DAB1: variants seen among roughly 807,000 people sequenced by gnomAD.
DAB1 encodes DAB adaptor protein 1.
DAB1 carries 15 observed loss-of-function variants against 64.6 expected under a neutral mutation model. That is an observed-to-expected ratio of 0.23 (90% CI 0.16 to 0.36). The LOEUF (loss-of-function observed/expected upper bound fraction) is 0.36. Ranked by LOEUF, DAB1 falls within the 10% of genes least tolerant of loss-of-function variation. The pLI is 1.00. For synonymous variants in DAB1, 235 were observed against 251.9 expected (o/e 0.93, Z 0.64); for missense variants, 596 against 706.7 (o/e 0.84, Z 1.78).
At chr1:57,497,482 A>G (rs1644244011) in intron 7 of DAB1, among the ~76,000 whole-genome samples, 1 of 152,206 alleles carries the variant, frequency 6.6e-6, no homozygotes, top group Non-Finnish European at 1.5e-5. Context: ...CTCTGCCCTC[A>G]TGGAGTTTCT....
chr1:57,353,686 C>T (rs950566228), intron 1 of DAB1, among the ~76,000 whole-genome samples: 1 of 152,092 alleles, frequency 6.6e-6, no homozygotes, highest in Admixed American at 6.6e-5. Flanking sequence ...GAGTTATTCA[C>T]GCTTAGGTCT....
intron 1 of DAB1, among the ~76,000 whole-genome samples, chr1:57,347,892 G>T (rs1157604110): frequency 1.3e-5 from 2 of 152,116 alleles, no homozygotes; most frequent in African/African-American, 2.4e-5. Context: ...AGATGAGGGG[G>T]TTACTACACT....
intron 5 of DAB1, among the ~76,000 whole-genome samples, chr1:58,135,250 T>C (rs969442270): frequency 3.3e-5 from 5 of 152,172 alleles, no homozygotes; most frequent in Non-Finnish European, 7.3e-5. Context: ...AACCACCGTT[T>C]ATCAAGGTGC....
At chr1:58,544,904 A>AT (rs1646676796) in intron 1 of DAB1, among the ~76,000 whole-genome samples, 1 of 152,038 alleles carries the variant, frequency 6.6e-6, no homozygotes, top group Non-Finnish European at 1.5e-5. Context: ...AGCCCAGCTA[A>AT]TTTTTTAATT....
rs969942388 is a variant in DAB1, at chr1:58,371,007, C to T, written n.258-27604G>A. On this transcript the variant is annotated intron_variant and non_coding_transcript_variant, in intron 3 of 20. Transcript: ENST00000485760. Reference sequence around the variant, plus strand: ...TGGATACCAAGGTAGTGGGTCATTGCTATAACATACCTGAGAAAGTGGAAG... The same window carrying T: ...TGGATACCAAGGTAGTGGGTCATTGTTATAACATACCTGAGAAAGTGGAAG... Among the ~76,000 whole-genome samples, 8 of 152,258 alleles carry T rather than the reference C, an allele frequency of 5.3e-5. No individual in the cohort carries two copies. The East Asian group carries it at 1.5e-3, about 29-fold the overall frequency.
At position 57,028,043 on chromosome 1, in the gene DAB1, G is replaced by A. The variant is rs962844961; in HGVS notation, c.724-2000C>T. On this transcript the variant is annotated intron_variant, in intron 9 of 14. Transcript: ENST00000371236. ...AGGTAATGCAGCAGAAATAGCAACAGGGGTCTCTACAAGATGCTGTGGGAG... is the reference window on the plus strand; with the variant it reads ...AGGTAATGCAGCAGAAATAGCAACAAGGGTCTCTACAAGATGCTGTGGGAG... Among the ~76,000 whole-genome samples, 100 of 152,246 alleles carry A rather than the reference G, an allele frequency of 6.6e-4. No individual in the cohort carries two copies. The Middle Eastern group carries it at 0.01, about 16-fold the overall frequency.
At chr1:58,003,796 CAAACAGA>C (rs1425875622) in intron 5 of DAB1, among the ~76,000 whole-genome samples, 17 of 152,182 alleles carry the variant, frequency 1.1e-4, no homozygotes, top group Admixed American at 9.2e-4. Context: ...TTGAAGTTTA[CAAACAGA>C]AAACAGAAAC....
intron 1 of DAB1, among the ~76,000 whole-genome samples, chr1:57,410,711 A>C (rs563830531): frequency 6.6e-6 from 1 of 152,346 alleles, no homozygotes; most frequent in South Asian, 2.1e-4. Flanking sequence ...ATACAGAATG[A>C]TATCTAGCCT....
intron 4 of DAB1, among the ~76,000 whole-genome samples, chr1:58,218,752 C>CTGCATGT (rs1658986939): frequency 1.3e-5 from 2 of 152,276 alleles, no homozygotes; most frequent in South Asian, 4.2e-4. Context: ...ACCACAACCT[C>CTGCATGT]TGCATGTTTT....
chr1:58,471,454 C>T (rs1366057971), intron 3 of DAB1, among the ~76,000 whole-genome samples: 1 of 152,146 alleles, frequency 6.6e-6, no homozygotes, highest in African/African-American at 2.4e-5. Flanking sequence ...TTGACTTAGA[C>T]ATTCATGATG....
chr1:57,908,963 A>G (rs1362673550), intron 5 of DAB1, among the ~76,000 whole-genome samples: 8 of 144,264 alleles, frequency 5.5e-5, no homozygotes, highest in Admixed American at 7.2e-5. Flanking sequence ...AACCAGGTCT[A>G]TTTTCCTTTA....
At chr1:58,528,377 A>G (rs1451414715) in intron 1 of DAB1, among the ~76,000 whole-genome samples, 2 of 152,226 alleles carry the variant, frequency 1.3e-5, no homozygotes, top group Non-Finnish European at 2.9e-5. Context: ...AACAGTTCCA[A>G]GCTCACAGAG....
At chr1:58,528,897 A>G (rs1162127876) in intron 1 of DAB1, among the ~76,000 whole-genome samples, 2 of 152,218 alleles carry the variant, frequency 1.3e-5, no homozygotes, top group East Asian at 3.8e-4. Flanking sequence ...CTTTATTTTC[A>G]TTGACGAATT....
intron 1 of DAB1, among the ~76,000 whole-genome samples, chr1:57,365,349 A>G (rs1679907833): frequency 7.0e-6 from 1 of 143,422 alleles, no homozygotes; most frequent in African/African-American, 2.5e-5. Context: ...ATATAAATAT[A>G]TATTTATATA....
At chr1:57,739,825 T>C (rs1647893133) in intron 6 of DAB1, among the ~76,000 whole-genome samples, 1 of 151,820 alleles carries the variant, frequency 6.6e-6, no homozygotes, top group Admixed American at 6.6e-5. Flanking sequence ...AGAATTTTCA[T>C]CAGTAAAATC....
chr1:57,853,594 G>A (rs565590661), intron 1 of DAB1, among the ~76,000 whole-genome samples: 2 of 152,030 alleles, frequency 1.3e-5, no homozygotes, highest in Non-Finnish European at 2.9e-5. Context: ...TAAAATGAAC[G>A]AATAAATGAA....
At chr1:57,904,077 C>A (rs1644514724) in intron 5 of DAB1, among the ~76,000 whole-genome samples, 1 of 152,120 alleles carries the variant, frequency 6.6e-6, no homozygotes, top group African/African-American at 2.4e-5. Context: ...AATGTAAAAC[C>A]CCACTGTTTC....
At chr1:57,477,771 G>A (rs756620549) in intron 7 of DAB1, among the ~76,000 whole-genome samples, 2 of 152,164 alleles carry the variant, frequency 1.3e-5, no homozygotes, top group Admixed American at 1.3e-4. Context: ...GCAGAACCCA[G>A]TCCTGAAAGG....
intron 2 of DAB1, among the ~76,000 whole-genome samples, chr1:57,207,455 T>C (rs182686050): frequency 8.6e-6 from 1 of 116,328 alleles, no homozygotes; most frequent in East Asian, 2.3e-4. Flanking sequence ...TCTTTTTTTT[T>C]TTTTTTGAGA....
Sources: gnomAD v4.1 joint callset for allele counts (sites outside exome capture counted in the v4.1 genomes callset) on GRCh38, gnomAD v4.1.1 for gene constraint, MANE v1.5 for transcripts, NCBI Gene and HGNC (gene_info 2026-07-23, HGNC 2026-07-21) for gene names.